GRIP1: variants seen among roughly 807,000 people sequenced by gnomAD.
The protein encoded by GRIP1 is glutamate receptor interacting protein 1, also known as glutamate receptor-interacting protein 1.
A neutral mutation model predicts 129.9 loss-of-function variants in GRIP1; 45 were observed. That is an observed-to-expected ratio of 0.35 (90% CI 0.27 to 0.44). The LOEUF is 0.44. GRIP1 is among the 20% of genes least tolerant of loss of function. The pLI, the probability that GRIP1 is intolerant of heterozygous loss-of-function variation, is 1.00. For missense variants in GRIP1, 1,196 were observed against 1,396.8 expected, an observed-to-expected ratio of 0.86 and a Z score of 2.29; for synonymous variants, 530 against 520.8, an observed-to-expected ratio of 1.02 and a Z score of -0.24.
chr12:66,850,782 A>C (rs2137077365), intron 1 of GRIP1, among the ~76,000 whole-genome samples: 1 of 151,936 alleles, frequency 6.6e-6, no homozygotes, highest in Non-Finnish European at 1.5e-5. Flanking sequence ...CCAGCATGTA[A>C]CCACATACAC....
intron 1 of GRIP1, among the ~76,000 whole-genome samples, chr12:66,668,163 T>C (rs924170130): frequency 2.2e-4 from 34 of 152,234 alleles, no homozygotes; most frequent in Non-Finnish European, 2.9e-5. Flanking sequence ...TTGGAAGGCA[T>C]ACATTTAAAA....
intron 1 of GRIP1, among the ~76,000 whole-genome samples, chr12:66,810,858 A>C (rs1474687279): frequency 6.6e-6 from 1 of 152,196 alleles, no homozygotes; most frequent in African/African-American, 2.4e-5. Context: ...CCACCTGCCT[A>C]AACAGTGATA....
At chr12:66,838,706 G>A (rs1223865986) in intron 1 of GRIP1, among the ~76,000 whole-genome samples, 3 of 152,192 alleles carry the variant, frequency 2.0e-5, no homozygotes, top group African/African-American at 4.8e-5. Context: ...ATAAAAATAG[G>A]TGAGTTGATT....
chr12:67,064,651 G>C (rs577314356), intron 1 of GRIP1, among the ~76,000 whole-genome samples: 1 of 152,236 alleles, frequency 6.6e-6, no homozygotes, highest in South Asian at 2.1e-4. Flanking sequence ...GTTGTGGGTG[G>C]GGTCACCAGA....
chr12:66,668,118 C>T (rs1360343605), intron 1 of GRIP1, among the ~76,000 whole-genome samples: 1 of 152,170 alleles, frequency 6.6e-6, no homozygotes, highest in Non-Finnish European at 1.5e-5. Flanking sequence ...GGTCAGTGTG[C>T]CTTGAGTCAC....
rs2035450222 is a variant in GRIP1, at chr12:66,704,203, C to T, written c.-419-73867G>A. Among the ~76,000 whole-genome samples the T allele has an allele frequency of 1.3e-5, 2 of 151,628 alleles. 1 individual carries two copies. Among genetic ancestry groups the T allele is most frequent in the South Asian group, 4.2e-4 (2 of 4,776 alleles). ...AGTTTGATAAGCATAACATGTAAAC[C>T]AAAAGAACATAAAATATCTAGAAAA... On this transcript the variant is annotated intron_variant, in intron 1 of 4. Coordinates refer to the GRIP1 transcript ENST00000538373.
intron 1 of GRIP1, among the ~76,000 whole-genome samples, chr12:67,032,697 A>G (rs1239318011): frequency 2.0e-5 from 3 of 152,196 alleles, no homozygotes; most frequent in Admixed American, 6.5e-5. Context: ...GTCTCTAGAC[A>G]TTACCAAATA....
At chr12:66,512,691 C>T (rs961178639) in intron 7 of GRIP1, among the ~76,000 whole-genome samples, 75 of 151,446 alleles carry the variant, frequency 5.0e-4, no homozygotes, top group African/African-American at 1.8e-3. Context: ...ATGAAAATGA[C>T]CATATGAAAA....
chr12:66,717,384 A>C (rs1284956940), intron 1 of GRIP1, among the ~76,000 whole-genome samples: 1 of 34,530 alleles, frequency 2.9e-5, no homozygotes, highest in Non-Finnish European at 5.3e-5. Context: ...TGCTCACTGT[A>C]AAAAAAAAAA....
At chr12:66,389,644 C>A (rs2056501781) in intron 19 of GRIP1, among the ~76,000 whole-genome samples, 1 of 152,108 alleles carries the variant, frequency 6.6e-6, no homozygotes, top group Admixed American at 6.5e-5. Flanking sequence ...TCTCGGTAAA[C>A]TGTAAGCGCA....
intron 1 of GRIP1, among the ~76,000 whole-genome samples, chr12:66,625,910 G>C (rs991068530): frequency 6.6e-6 from 1 of 152,004 alleles, no homozygotes; most frequent in Admixed American, 6.6e-5. Flanking sequence ...TTCCAGAGTG[G>C]GAGAGAGGAA....
Position 66,445,494 on chromosome 12 carries a change from T to C in GRIP1, c.1369A>G (p.Ser457Gly). ...ACCTGCCCAGCCAATCCTACTGTGC[T>C]GGAGGCTAAGGACACTAGAGGAACA... ...DFKSSLSLAS[S>G]TVGLAGQVVH... The change falls in exon 12 of 25, where the codon AGC becomes GGC. Residue 457 changes from serine to glycine, a missense_variant. Physicochemically the swap from Ser to Gly is moderately conservative, Grantham distance 56. This residue lies in a region of GRIP1 where 508 missense variants were observed against 587.0 expected (regional missense o/e 0.87). Transcript: ENST00000359742. The C allele has an allele frequency of 2.5e-6, 4 of 1,613,366 alleles. No individual in the cohort carries two copies. The highest frequency in any genetic ancestry group is 3.4e-6 in the Non-Finnish European group (4 of 1,179,590).
chr12:66,961,352 G>GA (rs1256339755), intron 1 of GRIP1, among the ~76,000 whole-genome samples: 1 of 151,400 alleles, frequency 6.6e-6, no homozygotes, highest in South Asian at 2.1e-4. Context: ...ATTTGGGTAG[G>GA]AAAAAAAAGG....
chr12:66,395,171 A>T (rs537280948), intron 16 of GRIP1, among the ~76,000 whole-genome samples: 1 of 152,238 alleles, frequency 6.6e-6, no homozygotes, highest in Non-Finnish European at 1.5e-5. Context: ...GGCCGCCTTC[A>T]ACGTGATGGG....
intron 1 of GRIP1, among the ~76,000 whole-genome samples, chr12:66,895,262 G>T (rs113032270): frequency 0.018 from 2,690 of 152,184 alleles, 32 homozygotes; most frequent in Non-Finnish European, 0.027. Context: ...AAGGGGGTGG[G>T]TTTTTCCCAT....
chr12:66,759,881 G>T (rs942149280), intron 1 of GRIP1, among the ~76,000 whole-genome samples: 16 of 149,858 alleles, frequency 1.1e-4, no homozygotes, highest in Admixed American at 4.0e-4. Context: ...TTGAGATGGA[G>T]TCTTGCTCTG....
chr12:66,432,613 C>T lies in GRIP1; in HGVS notation c.1703G>A (p.Ser568Asn), dbSNP rs996593786. 1.9e-6 allele frequency: 3 copies of T among 1,596,054 alleles called. No individual in the cohort carries two copies. The highest frequency in any genetic ancestry group is 2.6e-6 in the Non-Finnish European group (3 of 1,164,430). The change falls in exon 14 of 25, where the codon AGT (serine) becomes AAT (asparagine). Residue 568 changes from serine to asparagine, a missense_variant. By Grantham distance (46) the Ser-to-Asn change is conservative (BLOSUM62 1). Coordinates refer to ENST00000359742, the MANE Select transcript of GRIP1 (RefSeq NM_001366722.1). ...CAGCTTTACATGAAATGTTCCACTA[C>T]TTGGGATGACAGACTCTAATATCAA... is the stretch of plus-strand genomic sequence containing the variant. Reference protein sequence around the residue: ...EFDVAESVIPSSGTFHVKLPK... With the variant: ...EFDVAESVIPNSGTFHVKLPK...
chr12:66,603,427 G>A (rs984812783), intron 1 of GRIP1, among the ~76,000 whole-genome samples: 2 of 152,202 alleles, frequency 1.3e-5, no homozygotes, highest in African/African-American at 4.8e-5. Flanking sequence ...GACCATGGAT[G>A]AGCAGCAGGA....
intron 1 of GRIP1, among the ~76,000 whole-genome samples, chr12:67,051,768 GAAAGAA>G (rs2135852342): frequency 6.6e-6 from 1 of 152,358 alleles, no homozygotes; most frequent in East Asian, 1.9e-4. Context: ...CCTCAGATCA[GAAAGAA>G]GCTTTGCTGT....
Sources: gnomAD v4.1 joint callset for allele counts (sites outside exome capture counted in the v4.1 genomes callset) on GRCh38, gnomAD v4.1.1 for gene constraint, gnomAD v4.1.1 regional missense constraint, MANE v1.5 for transcripts, NCBI Gene and HGNC (gene_info 2026-07-23, HGNC 2026-07-21) for gene names.